LRP1B: variants seen among roughly 807,000 people sequenced by gnomAD.
The protein encoded by LRP1B is LDL receptor related protein 1B.
In LRP1B, 217 loss-of-function variants were observed where a neutral mutation model predicts 556.6. The observed-to-expected ratio is 0.39, with a 90% CI of 0.35 to 0.44. The LOEUF is 0.44. LRP1B is among the 20% of genes least tolerant of loss of function. The pLI is 1.00. For missense variants in LRP1B, 5,053 were observed against 5,620.8 expected, an observed-to-expected ratio of 0.90 and a Z score of 3.23; for synonymous variants, 2,047 against 1,865.8, an observed-to-expected ratio of 1.10 and a Z score of -2.50.
chr2:140,582,553 C>T (rs1232720574), intron 43 of LRP1B, among the ~76,000 whole-genome samples: 1 of 152,092 alleles, frequency 6.6e-6, no homozygotes. Context: ...CTCATTAGCC[C>T]GTCCTTATAC....
chr2:140,609,476 C>A (rs889406603), intron 41 of LRP1B, among the ~76,000 whole-genome samples: 2 of 152,062 alleles, frequency 1.3e-5, no homozygotes, highest in African/African-American at 2.4e-5. Context: ...TACGTACGTC[C>A]AACCATGAAT....
At chr2:140,717,714 C>G (rs1403637959) in intron 35 of LRP1B, among the ~76,000 whole-genome samples, 1 of 152,128 alleles carries the variant, frequency 6.6e-6, no homozygotes, top group East Asian at 1.9e-4. Context: ...AAGAATAAAT[C>G]CTTTAAGACC....
chr2:141,001,469 C>T (rs1033406205), intron 15 of LRP1B, among the ~76,000 whole-genome samples: 6 of 152,004 alleles, frequency 3.9e-5, no homozygotes, highest in African/African-American at 1.4e-4. Flanking sequence ...ATCCCTCCTC[C>T]GTCCCCCACC....
chr2:140,667,283 G>C (rs1298139295), intron 41 of LRP1B, among the ~76,000 whole-genome samples: 1 of 152,164 alleles, frequency 6.6e-6, no homozygotes, highest in Non-Finnish European at 1.5e-5. Context: ...ATATATTCAG[G>C]TTTTTAGCTA....
At chr2:141,449,883 G>A (rs1354716471) in intron 3 of LRP1B, among the ~76,000 whole-genome samples, 1 of 152,156 alleles carries the variant, frequency 6.6e-6, no homozygotes, top group Non-Finnish European at 1.5e-5. Flanking sequence ...CCTGTGCATT[G>A]TAGGATGTTT....
chr2:140,280,250 C>G (rs1466631552), intron 84 of LRP1B, among the ~76,000 whole-genome samples: 2 of 151,698 alleles, frequency 1.3e-5, no homozygotes, highest in Non-Finnish European at 2.9e-5. Context: ...ATTTGAAATT[C>G]AGCTTAGTAA....
chr2:140,506,767 C>A (rs766617071), intron 53 of LRP1B, 29 bp downstream of exon 53: 15 of 1,595,022 alleles, frequency 9.4e-6, no homozygotes, highest in Non-Finnish European at 1.3e-5. Context: ...GCCTAGGAAT[C>A]TCCTTCATGA....
intron 2 of LRP1B, among the ~76,000 whole-genome samples, chr2:141,644,036 G>GTGTGTGTGTGTT (rs1689451795): frequency 6.6e-6 from 1 of 151,184 alleles, no homozygotes; most frequent in Admixed American, 6.6e-5. Context: ...GTGTGTGTGT[G>GTGTGTGTGTGTT]TGTGTGTGTG....
intron 45 of LRP1B, among the ~76,000 whole-genome samples, chr2:140,540,138 G>A (rs951345195): frequency 6.6e-6 from 1 of 151,990 alleles, no homozygotes; most frequent in Non-Finnish European, 1.5e-5. Context: ...TTATTATGTA[G>A]ACATATCCAA....
rs137960304 is a variant in LRP1B, at chr2:140,657,030, C to T, written c.6799+43220G>A. Among the ~76,000 whole-genome samples the T allele has an allele frequency of 5.4e-3, 815 of 151,976 alleles. 3 individuals are homozygous for T. The highest frequency in any genetic ancestry group is 7.8e-3 in the Non-Finnish European group (532 of 67,910). On this transcript the variant is annotated intron_variant, in intron 41 of 90. Coordinates refer to ENST00000389484, the MANE Select transcript of LRP1B (RefSeq NM_018557.3). Reference sequence around the variant, plus strand: ...CCTTCTCTTATTATATTTTAAGTTCCCAATATTTTACAGAGCTTCTATATA... The same window carrying T: ...CCTTCTCTTATTATATTTTAAGTTCTCAATATTTTACAGAGCTTCTATATA...
intron 3 of LRP1B, among the ~76,000 whole-genome samples, chr2:141,460,251 G>A (rs1208525001): frequency 1.3e-5 from 2 of 152,078 alleles, no homozygotes; most frequent in Non-Finnish European, 2.9e-5. Flanking sequence ...TAGCTCTTCA[G>A]CTCTTTCTTA....
At position 140,827,302 on chromosome 2, in the gene LRP1B, C is replaced by A. The variant is rs986839018; in HGVS notation, c.5209+12689G>T. 1.3e-5 allele frequency among the ~76,000 whole-genome samples: 2 copies of A among 152,042 alleles called. 1 individual carries two copies. The highest frequency in any genetic ancestry group is 2.9e-5 in the Non-Finnish European group (2 of 68,006). On this transcript the variant is annotated intron_variant, in intron 31 of 90. Coordinates refer to ENST00000389484, the MANE Select transcript of LRP1B (RefSeq NM_018557.3). The stretch of plus-strand genomic sequence containing the variant: ...CCAGTGACTAACCCTAGTGAGACAG[C>A]AATTTGTGAGCTCTCAGATCAAGAA...
At chr2:141,342,161 G>A (rs186473531) in intron 3 of LRP1B, among the ~76,000 whole-genome samples, 9 of 150,710 alleles carry the variant, frequency 6.0e-5, no homozygotes, top group Non-Finnish European at 7.4e-5. Flanking sequence ...GGAGAATGGC[G>A]TGAACTTGGG....
intron 42 of LRP1B, 59 bp from the exon 43 acceptor site, chr2:140,598,894 A>C: frequency 1.8e-6 from 2 of 1,136,222 alleles, no homozygotes; most frequent in South Asian, 2.7e-5. Flanking sequence ...TAAAAATACT[A>C]ATAGAAACAT....
At position 140,601,522 on chromosome 2, in the gene LRP1B, A is replaced by G. The variant is rs1320495606; in HGVS notation, c.6917T>C (p.Phe2306Ser). Residue 2306 changes from phenylalanine to serine, a missense_variant, in exon 42 of 91, where the codon TTT (phenylalanine) becomes TCT (serine). Transcript: ENST00000389484. Reference sequence around the variant, plus strand: ...CATGGTGATGACAGCTTCCCTGTCAAATGCTCCAGGCCGAGTCTGGTCCAC... The same window carrying G: ...CATGGTGATGACAGCTTCCCTGTCAGATGCTCCAGGCCGAGTCTGGTCCAC... ...HTVDQTRPGA[F>S]DREAVITMSE... 5.0e-6 allele frequency: 8 copies of G among 1,613,098 alleles called. No individual in the cohort carries two copies. Among genetic ancestry groups the G allele is most frequent in the Non-Finnish European group, 6.8e-6 (8 of 1,179,474 alleles).
intron 21 of LRP1B, among the ~76,000 whole-genome samples, chr2:140,922,225 G>A (rs1694755612): frequency 6.6e-6 from 1 of 151,846 alleles, no homozygotes; most frequent in Non-Finnish European, 1.5e-5. Flanking sequence ...ATAAAATATA[G>A]TAGAATATAA....
In LRP1B at chr2:140,233,341, A is replaced by T. The variant is rs769031678; in HGVS notation, c.13660-15T>A. On this transcript the variant is annotated splice_polypyrimidine_tract_variant and intron_variant, in intron 90 of 90. Transcript: ENST00000389484. ...TAATTTGTTGGCTGAAGGAGAAAAA[A>T]AATAAATATAATTTTATTACTGGTC... is the stretch of plus-strand genomic sequence containing the variant. 1 of 1,549,366 alleles carries T rather than the reference A, an allele frequency of 6.5e-7. No individual in the cohort carries two copies. The highest frequency in any genetic ancestry group is 8.7e-7 in the Non-Finnish European group (1 of 1,145,482).
rs1686454498 is a variant in LRP1B at position 141,569,512 on chromosome 2, G to A, written c.206-88979C>T. 1.3e-5 allele frequency among the ~76,000 whole-genome samples: 2 copies of A among 151,154 alleles called. 1 individual carries two copies. Among genetic ancestry groups the A allele is most frequent in the Non-Finnish European group, 3.0e-5 (2 of 67,470 alleles). ...GGGAGGAACTAGTCATATAGATAAT[G>A]ATTTTTCAAAAGTAGGCCAAAATGT... On this transcript the variant is annotated intron_variant, in intron 2 of 90. Coordinates refer to ENST00000389484, the MANE Select transcript of LRP1B (RefSeq NM_018557.3).
intron 3 of LRP1B, among the ~76,000 whole-genome samples, chr2:141,432,143 T>A (rs1330888332): frequency 6.6e-6 from 1 of 152,078 alleles, no homozygotes; most frequent in Non-Finnish European, 1.5e-5. Context: ...CACTCCAAGT[T>A]TACTGAGGAA....
Sources: gnomAD v4.1 joint callset for allele counts (sites outside exome capture counted in the v4.1 genomes callset) on GRCh38, gnomAD v4.1.1 for gene constraint, MANE v1.5 for transcripts, NCBI Gene and HGNC (gene_info 2026-07-23, HGNC 2026-07-21) for gene names.